KLHL32: variants seen among roughly 807,000 people sequenced by gnomAD.
KLHL32 encodes kelch like family member 32.
In KLHL32, 35 loss-of-function variants were observed where a neutral mutation model predicts 64.8. That is an observed-to-expected ratio of 0.54 (90% CI 0.41 to 0.72). KLHL32 has a LOEUF of 0.72. KLHL32 is among the 30% of genes least tolerant of loss of function. The pLI is 0.00. For synonymous variants in KLHL32, 259 were observed against 281.0 expected (o/e 0.92, Z 0.78); for missense variants, 589 against 768.5 (o/e 0.77, Z 2.76).
rs1186769816 is a variant in KLHL32, at chr6:97,019,986, C to T, written c.205-21506C>T. Among the ~76,000 whole-genome samples the T allele has an allele frequency of 3.4e-5, 5 of 145,972 alleles. No individual in the cohort carries two copies. The South Asian group carries it at 6.5e-4, about 19-fold the overall frequency. ...TTTTTGAGACAGAGTCTTGCTCTGTCGCCCAGGCTAGAGTGCAGCAATCTT... is the reference window on the plus strand; with the variant it reads ...TTTTTGAGACAGAGTCTTGCTCTGTTGCCCAGGCTAGAGTGCAGCAATCTT... On this transcript the variant is annotated intron_variant, in intron 3 of 10. Coordinates refer to ENST00000369261, the MANE Select transcript of KLHL32 (RefSeq NM_052904.4).
chr6:96,923,471 A>C (rs973855054), upstream of KLHL32, among the ~76,000 whole-genome samples: 1 of 152,216 alleles, frequency 6.6e-6, no homozygotes, highest in Non-Finnish European at 1.5e-5. Flanking sequence ...CAGGACTGCT[A>C]GATAAGTAGG....
intron 3 of KLHL32, among the ~76,000 whole-genome samples, chr6:96,983,501 A>T (rs1315490450): frequency 6.6e-6 from 1 of 152,296 alleles, no homozygotes; most frequent in South Asian, 2.1e-4. Flanking sequence ...CTGTGAATTC[A>T]TCTGGTGCTG....
At chr6:97,084,611 A>T (rs1562319028) in intron 5 of KLHL32, among the ~76,000 whole-genome samples, 1 of 152,176 alleles carries the variant, frequency 6.6e-6, no homozygotes, top group Non-Finnish European at 1.5e-5. Context: ...AAAACTCTGG[A>T]TTTTAGTTAA....
upstream of KLHL32, among the ~76,000 whole-genome samples, chr6:96,921,294 T>C (rs1768747395): frequency 6.6e-6 from 1 of 152,214 alleles, no homozygotes; most frequent in African/African-American, 2.4e-5. Context: ...AACAACAGCA[T>C]TTGATATCAC....
chr6:97,034,807 T>C (rs1376313821), intron 3 of KLHL32, among the ~76,000 whole-genome samples: 1 of 152,064 alleles, frequency 6.6e-6, no homozygotes, highest in African/African-American at 2.4e-5. Context: ...CTTTCCTGTT[T>C]GTGTACACAA....
At chr6:97,008,545 G>T (rs1003283224) in intron 3 of KLHL32, among the ~76,000 whole-genome samples, 1 of 152,050 alleles carries the variant, frequency 6.6e-6, no homozygotes, top group Non-Finnish European at 1.5e-5. Flanking sequence ...TCTGAGCTGT[G>T]CACTGGCTGG....
At chr6:96,996,572 G>A (rs959209275) in intron 3 of KLHL32, among the ~76,000 whole-genome samples, 1 of 152,118 alleles carries the variant, frequency 6.6e-6, no homozygotes, top group Non-Finnish European at 1.5e-5. Context: ...TGAATTCGTA[G>A]TCTGGCAGGA....
At chr6:97,056,130 A>G (rs1469137438) in intron 4 of KLHL32, among the ~76,000 whole-genome samples, 32 of 115,402 alleles carry the variant, frequency 2.8e-4, no homozygotes, top group East Asian at 1.6e-3. Flanking sequence ...TTTTGAGATG[A>G]AGTCTCGCTC....
At chr6:96,989,926 T>C (rs1777645359) in intron 3 of KLHL32, among the ~76,000 whole-genome samples, 1 of 152,234 alleles carries the variant, frequency 6.6e-6, no homozygotes, top group African/African-American at 2.4e-5. Flanking sequence ...GTACTGTTTG[T>C]CAGCTCTATC....
chr6:97,113,220 A>T (rs1797397705), intron 6 of KLHL32, among the ~76,000 whole-genome samples: 1 of 152,160 alleles, frequency 6.6e-6, no homozygotes. Flanking sequence ...TATACCTACT[A>T]AAGGGATGTG....
At position 96,982,478 on chromosome 6, in the gene KLHL32, T is replaced by C. The variant is rs143715977; in HGVS notation, c.204+6301T>C. On this transcript the variant is annotated intron_variant, in intron 3 of 10. Coordinates refer to ENST00000369261, the MANE Select transcript of KLHL32 (RefSeq NM_052904.4). ...AGATGGGTCTCTTGAAGACAGCACATCATTGGGTCTTTCCTTTATCAAACT... is the reference window on the plus strand; with the variant it reads ...AGATGGGTCTCTTGAAGACAGCACACCATTGGGTCTTTCCTTTATCAAACT... 5.2e-4 allele frequency among the ~76,000 whole-genome samples: 79 copies of C among 152,286 alleles called. 1 individual carries two copies. Among genetic ancestry groups the C allele is most frequent in the East Asian group, 9.6e-4 (5 of 5,182 alleles).
intron 7 of KLHL32, among the ~76,000 whole-genome samples, chr6:97,126,442 A>G (rs1798885331): frequency 1.3e-5 from 2 of 152,110 alleles, no homozygotes. Context: ...ACAAGTATGA[A>G]AAGAAGTATG....
the KLHL32 span, among the ~76,000 whole-genome samples, chr6:96,908,368 AATG>A: frequency 6.6e-6 from 1 of 152,208 alleles, no homozygotes; most frequent in Non-Finnish European, 1.5e-5. Flanking sequence ...GTATACTTGT[AATG>A]ATAAAACTGG....
chr6:97,007,449 C>G (rs79159123), intron 3 of KLHL32, among the ~76,000 whole-genome samples: 4 of 152,078 alleles, frequency 2.6e-5, no homozygotes, highest in Admixed American at 2.6e-4. Flanking sequence ...TATGGATGAT[C>G]TTTGTTCCTA....
At chr6:96,937,979 T>C (rs1212354591) in intron 1 of KLHL32, among the ~76,000 whole-genome samples, 3 of 152,248 alleles carry the variant, frequency 2.0e-5, no homozygotes, top group Non-Finnish European at 4.4e-5. Context: ...TCTCAGACTC[T>C]GTAAATAAAC....
At chr6:97,108,943 T>A (rs1423190689) in intron 6 of KLHL32, among the ~76,000 whole-genome samples, 1 of 152,200 alleles carries the variant, frequency 6.6e-6, no homozygotes, top group African/African-American at 2.4e-5. Context: ...TTTACCATAG[T>A]GGATGGAACA....
the KLHL32 span, among the ~76,000 whole-genome samples, chr6:96,916,107 A>G: frequency 1.3e-5 from 2 of 151,766 alleles, no homozygotes; most frequent in Admixed American, 6.6e-5. Context: ...GTCAGAACAA[A>G]TTTATAGACA....
rs139710100 is a variant in KLHL32, at chr6:97,102,386, G to A, written c.628-11397G>A. On this transcript the variant is annotated intron_variant, in intron 6 of 10. Coordinates refer to ENST00000369261, the MANE Select transcript of KLHL32 (RefSeq NM_052904.4). ...CCCTATTGCCAATGTGATACAGAAG[G>A]GTTTTCTTTTATTGACCAAATTGGT... Among the ~76,000 whole-genome samples, 222 of 152,052 alleles carry A rather than the reference G, an allele frequency of 1.5e-3. 1 individual carries two copies. The highest frequency in any genetic ancestry group is 5.1e-3 in the African/African-American group (211 of 41,492).
intron 6 of KLHL32, among the ~76,000 whole-genome samples, chr6:97,100,764 C>T (rs1236256904): frequency 2.0e-5 from 3 of 150,192 alleles, no homozygotes; most frequent in Non-Finnish European, 4.4e-5. Flanking sequence ...GCACATTTGC[C>T]AGTGAACGTG....
Sources: gnomAD v4.1 joint callset for allele counts (sites outside exome capture counted in the v4.1 genomes callset) on GRCh38, gnomAD v4.1.1 for gene constraint, MANE v1.5 for transcripts, NCBI Gene and HGNC (gene_info 2026-07-23, HGNC 2026-07-21) for gene names.